The following SLCO2B1 variants were observed in gnomAD, a reference collection of about 807,000 sequenced individuals.
The protein encoded by SLCO2B1 is solute carrier organic anion transporter family member 2B1.
A neutral mutation model predicts 67.3 loss-of-function variants in SLCO2B1; 41 were observed. That is an observed-to-expected ratio of 0.61 (90% CI 0.47 to 0.79). The LOEUF is 0.79. Ranked by LOEUF, SLCO2B1 falls within the 30% of genes least tolerant of loss-of-function variation. The pLI, the probability that SLCO2B1 is intolerant of heterozygous loss-of-function variation, is 0.00. For missense variants in SLCO2B1, 837 were observed against 920.1 expected (o/e 0.91, Z 1.17); for synonymous variants, 379 against 381.4 (o/e 0.99, Z 0.07).
chr11:75,156,392 T>C (rs1171630856), intron 1 of SLCO2B1, among the ~76,000 whole-genome samples: 2 of 151,988 alleles, frequency 1.3e-5, no homozygotes, highest in Admixed American at 6.5e-5. Context: ...AGATGAGAGA[T>C]GAGCTGGGCT....
intron 7 of SLCO2B1, among the ~76,000 whole-genome samples, chr11:75,173,513 C>T (rs891035668): frequency 6.6e-6 from 1 of 152,196 alleles, no homozygotes; most frequent in Non-Finnish European, 1.5e-5. Context: ...CACAGACTCA[C>T]GGAGAAGTCA....
chr11:75,172,528 C>G lies in SLCO2B1; in HGVS notation c.931C>G (p.Arg311Gly). 1 of 1,614,140 alleles carries G rather than the reference C, an allele frequency of 6.2e-7. No homozygotes were observed. Among genetic ancestry groups the G allele is most frequent in the Non-Finnish European group, 8.5e-7 (1 of 1,180,016 alleles). The change falls in exon 7 of 14, where the codon CGG becomes GGG. Residue 311 changes from arginine (R) to glycine (G), a missense_variant. Coordinates refer to ENST00000289575, the MANE Select transcript of SLCO2B1 (RefSeq NM_007256.5). Reference protein sequence around the residue: ...MPKEKRELQFRRKVLAVTDSP... With the variant: ...MPKEKRELQFGRKVLAVTDSP... ...CAAGGAAAAACGTGAGCTTCAGTTT[C>G]GGCGAAAGGTCTTAGCAGTCACAGA...
In SLCO2B1 at chr11:75,197,070, C is replaced by G. The variant is rs148130810; in HGVS notation, c.1599+391C>G. On this transcript the variant is annotated intron_variant, in intron 10 of 13. Transcript: ENST00000289575. ...GGCGGAGGTTGCAGTAAGCTGAGAT[C>G]ATGCCATTACACTCCAGTCTGGGCA... 1.3e-3 allele frequency among the ~76,000 whole-genome samples: 205 copies of G among 152,332 alleles called. 1 individual carries two copies. Among genetic ancestry groups the G allele is most frequent in the African/African-American group, 4.7e-3 (194 of 41,574 alleles).
At chr11:75,195,437 G>C (rs1657048169) in intron 9 of SLCO2B1, among the ~76,000 whole-genome samples, 1 of 152,014 alleles carries the variant, frequency 6.6e-6, no homozygotes, top group African/African-American at 2.4e-5. Context: ...AGGAGGAAGA[G>C]GAAATATTTT....
At chr11:75,190,545 A>G (rs1245420902) in intron 8 of SLCO2B1, among the ~76,000 whole-genome samples, 1 of 151,976 alleles carries the variant, frequency 6.6e-6, no homozygotes, top group African/African-American at 2.4e-5. Context: ...AATCTCTCTG[A>G]TGGAGGTTAC....
At chr11:75,154,012 A>T (rs1591804730) in intron 1 of SLCO2B1, among the ~76,000 whole-genome samples, 5 of 144,456 alleles carry the variant, frequency 3.5e-5, no homozygotes, top group African/African-American at 1.3e-4. Context: ...TGCAACCTCT[A>T]CCTCCCGGGT....
chr11:75,195,891 C>T (rs1174300278), intron 9 of SLCO2B1, among the ~76,000 whole-genome samples: 1 of 152,210 alleles, frequency 6.6e-6, no homozygotes. Flanking sequence ...CTCCCTCTGA[C>T]ATCCTGCCCC....
rs1436078732 is a variant in SLCO2B1 at position 75,171,243 on chromosome 11, G to T, written c.782-1136G>T. Among the ~76,000 whole-genome samples, 13 of 152,108 alleles carry T rather than the reference G, an allele frequency of 8.5e-5. No homozygotes were observed. In the East Asian group the frequency reaches 2.1e-3, roughly 25 times the overall value. On this transcript the variant is annotated intron_variant, in intron 6 of 13. Coordinates refer to ENST00000289575, the MANE Select transcript of SLCO2B1 (RefSeq NM_007256.5). ...GGGAACCAGCTCTGTGTGTGGGGTT[G>T]GTACATCAAGGAGCATTTGGTTTTT...
chr11:75,200,572 C>T (rs926534767), intron 11 of SLCO2B1, 185 bp downstream of exon 11: 2 of 534,962 alleles, frequency 3.7e-6, no homozygotes, highest in Non-Finnish European at 3.2e-6. Context: ...CCCCATCTTG[C>T]AGATAAGAAA....
In SLCO2B1 at chr11:75,188,253, ACCAGGT is replaced by A. The variant is rs1944967333; in HGVS notation, c.1075+16_1075+21del. The A allele has an allele frequency of 3.2e-6, 5 of 1,585,552 alleles. No homozygotes were observed. The highest frequency in any genetic ancestry group is 3.5e-6 in the Non-Finnish European group (4 of 1,154,132). On this transcript the variant is annotated intron_variant, in intron 8 of 13. Transcript: ENST00000289575. The stretch of plus-strand genomic sequence containing the variant: ...GTTCATTAAAGGTAAGTCAGCTCAG[ACCAGGT>A]TATGGGGAGCCAGGGCCAGAGGGGT...
intron 1 of SLCO2B1, among the ~76,000 whole-genome samples, chr11:75,154,908 G>A (rs1361707208): frequency 2.0e-5 from 3 of 152,234 alleles, no homozygotes; most frequent in Non-Finnish European, 4.4e-5. Context: ...ACCACATGGA[G>A]GGAACAGAGC....
At chr11:75,187,855 G>C (rs1002072630) in intron 7 of SLCO2B1, among the ~76,000 whole-genome samples, 2 of 152,186 alleles carry the variant, frequency 1.3e-5, no homozygotes, top group African/African-American at 4.8e-5. Context: ...AAAAATGTTG[G>C]TGATTATTAT....
At chr11:75,159,754 C>A in intron 1 of SLCO2B1, 2 of 744,490 alleles carry the variant, frequency 2.7e-6, no homozygotes, top group Non-Finnish European at 3.3e-6. Flanking sequence ...TGCCCAGAGG[C>A]ACAGGCTGTG....
chr11:75,197,294 C>G, intron 10 of SLCO2B1, among the ~76,000 whole-genome samples: 1 of 152,198 alleles, frequency 6.6e-6, no homozygotes, highest in Admixed American at 6.5e-5. Flanking sequence ...TGAAAAGAGA[C>G]ACATCCCACC....
chr11:75,158,136 A>G (rs1466299124), intron 1 of SLCO2B1, among the ~76,000 whole-genome samples: 2 of 152,080 alleles, frequency 1.3e-5, no homozygotes, highest in Non-Finnish European at 2.9e-5. Context: ...GTGCAGTGGC[A>G]TGATCTCGGC....
In SLCO2B1 at chr11:75,165,913, A is replaced by T. The variant is rs1220893206; in HGVS notation, c.412A>T (p.Ile138Phe). ...CCTGCTCATGACTCTCCCGCACTTC[A>T]TCTCGGAGCCATACCGCTACGACAA... is the stretch of plus-strand genomic sequence containing the variant. The part of the protein sequence containing the change: ...AGLLMTLPHF[I>F]SEPYRYDNTS... Residue 138 changes from isoleucine (I) to phenylalanine (F), a missense_variant, in exon 4 of 14, where the codon ATC (isoleucine) becomes TTC (phenylalanine). By Grantham distance (21) the Ile-to-Phe change is conservative. Transcript: ENST00000289575. 1.2e-6 allele frequency: 2 copies of T among 1,613,868 alleles called. No individual in the cohort carries two copies. Among genetic ancestry groups the T allele is most frequent in the Non-Finnish European group, 1.7e-6 (2 of 1,179,980 alleles).
intron 2 of SLCO2B1, 44 bp from the exon 3 acceptor site, chr11:75,163,919 C>T (rs769468196): frequency 1.3e-6 from 2 of 1,562,622 alleles, no homozygotes; most frequent in Non-Finnish European, 1.7e-6. Flanking sequence ...TCTTTGTCTC[C>T]CCCTGCACCG....
At chr11:75,153,982 A>AT (rs1245767778) in intron 1 of SLCO2B1, among the ~76,000 whole-genome samples, 1 of 149,464 alleles carries the variant, frequency 6.7e-6, no homozygotes, top group African/African-American at 2.5e-5. Context: ...CTGGAGGGCA[A>AT]TGGCGCCATC....
intron 1 of SLCO2B1, among the ~76,000 whole-genome samples, chr11:75,158,423 G>C (rs1403353249): frequency 6.6e-6 from 1 of 152,114 alleles, no homozygotes; most frequent in African/African-American, 2.4e-5. Context: ...TACACTTAGG[G>C]GAACCTAGCA....
Sources: allele counts gnomAD v4.1 joint callset (sites outside exome capture counted in the v4.1 genomes callset), GRCh38; gene constraint gnomAD v4.1.1; transcripts MANE v1.5; gene names NCBI Gene and HGNC (gene_info 2026-07-23, HGNC 2026-07-21).